Variants in FNBP4 observed in about 807,000 individuals in gnomAD.
The protein encoded by FNBP4 is formin-binding protein 4.
Under a neutral mutation model 119.3 loss-of-function variants are expected in FNBP4, and 34 were observed. That is an observed-to-expected ratio of 0.28 (90% CI 0.22 to 0.38). The LOEUF is 0.38. Ranked by LOEUF, FNBP4 falls within the 10% of genes least tolerant of loss-of-function variation. The probability of loss-of-function intolerance (pLI) is 1.00; values close to 1 mark genes in which losing one functional copy is unlikely to be tolerated. For synonymous variants in FNBP4, 462 were observed against 430.6 expected, an observed-to-expected ratio of 1.07 and a Z score of -0.90; for missense variants, 1,112 against 1,228.9, an observed-to-expected ratio of 0.90 and a Z score of 1.42.
chr11:47,719,845 A>G (rs926873225), intron 16 of FNBP4, 84 bp downstream of exon 16: 9 of 1,438,198 alleles, frequency 6.3e-6, no homozygotes, highest in African/African-American at 2.8e-5. Context: ...TAATGCATCT[A>G]TAACAACCAC....
At position 47,717,310 on chromosome 11, in the gene FNBP4, T is replaced by A. The variant is rs1011387484; in HGVS notation, c.*112A>T. 5 of 706,398 alleles carry A rather than the reference T, an allele frequency of 7.1e-6. No homozygotes were observed. Among genetic ancestry groups the A allele is most frequent in the South Asian group, 2.0e-5 (1 of 50,628 alleles). 43.8% of individuals were successfully genotyped at this position (706,398 alleles called of 1,614,324 possible). A position where few individuals can be genotyped will look rare whatever the true frequency, so the allele number is the denominator to read the frequency against. ...ATGCATACACTCTTGCCCAGGAAAT[T>A]TATAAGATCTCCCCCATAACATTTA... On this transcript the variant is annotated 3_prime_UTR_variant, in exon 17 of 17. Coordinates refer to ENST00000263773, the MANE Select transcript of FNBP4 (RefSeq NM_015308.5).
chr11:47,721,149 G>A (rs1357010840), intron 15 of FNBP4, among the ~76,000 whole-genome samples: 1 of 151,076 alleles, frequency 6.6e-6, no homozygotes, highest in Non-Finnish European at 1.5e-5. Flanking sequence ...GTGAAACCCC[G>A]TCTCTACTAA....
At chr11:47,746,719 G>A (rs2097591105) in intron 6 of FNBP4, among the ~76,000 whole-genome samples, 1 of 151,954 alleles carries the variant, frequency 6.6e-6, no homozygotes, top group South Asian at 2.1e-4. Flanking sequence ...CACCACGTTG[G>A]CCAGGCTGGT....
At position 47,731,418 on chromosome 11, in the gene FNBP4, G is replaced by C; in HGVS notation, c.1964C>G (p.Thr655Ser). ...TLAKQTLKDK[T>S]GTDSNSTESS... The stretch of plus-strand genomic sequence containing the variant: ...TTCTGTTGAATTTGAATCAGTGCCA[G>C]TTTTGTCTTTCAAGGTCTGTTTGGC... Residue 655 changes from threonine (T) to serine (S), a missense_variant, in exon 12 of 17, where the codon ACT becomes AGT. Around this residue, in one of 2 missense-constraint regions of FNBP4, gnomAD observed 826 missense variants for 988.8 expected, o/e 0.84. Coordinates refer to ENST00000263773, the MANE Select transcript of FNBP4 (RefSeq NM_015308.5). The C allele has an allele frequency of 6.2e-7, 1 of 1,613,838 alleles. No individual in the cohort carries two copies.
intron 6 of FNBP4, 100 bp downstream of exon 6, chr11:47,750,816 T>G: frequency 1.6e-6 from 2 of 1,238,804 alleles, no homozygotes; most frequent in Non-Finnish European, 2.3e-6. Flanking sequence ...CTATTTCACA[T>G]GTATGACATA....
At position 47,750,992 on chromosome 11, in the gene FNBP4, A is replaced by G. The variant is rs2097602170; in HGVS notation, c.830T>C (p.Ile277Thr). The G allele has an allele frequency of 6.2e-7, 1 of 1,614,062 alleles. No homozygotes were observed. The highest frequency in any genetic ancestry group is 1.3e-5 in the African/African-American group (1 of 75,054). The part of the protein sequence containing the change: ...AETSFVVNTD[I>T]YSKEKTISVS... ...AGAAATCGTTTTCTCCTTAGAATAT[A>G]TGTCTGTATTTACCACAAAACTAGT... Residue 277 changes from isoleucine (I) to threonine (T), a missense_variant, in exon 6 of 17, where the codon ATA becomes ACA. This residue lies in a region of FNBP4 where 826 missense variants were observed against 988.8 expected (regional missense o/e 0.84). Transcript: ENST00000263773.
intron 6 of FNBP4, among the ~76,000 whole-genome samples, chr11:47,749,791 G>C (rs1009103274): frequency 1.3e-5 from 2 of 152,104 alleles, no homozygotes; most frequent in African/African-American, 4.8e-5. Flanking sequence ...GAGCATCTCA[G>C]ATTTCACATT....
intron 2 of FNBP4, among the ~76,000 whole-genome samples, chr11:47,756,555 G>A (rs2097618769): frequency 6.6e-6 from 1 of 151,882 alleles, no homozygotes; most frequent in Admixed American, 6.6e-5. Flanking sequence ...TTTTGTTGTT[G>A]TTGTTATACT....
At chr11:47,731,786 C>A (rs2135108853) in intron 11 of FNBP4, 8 of 1,259,706 alleles carry the variant, frequency 6.4e-6, no homozygotes, top group Non-Finnish European at 8.0e-6. Context: ...GCCCTGAACC[C>A]TCTCACTCCA....
chr11:47,753,436 A>G (rs2135240644), intron 3 of FNBP4, among the ~76,000 whole-genome samples: 1 of 151,946 alleles, frequency 6.6e-6, no homozygotes, highest in Non-Finnish European at 1.5e-5. Flanking sequence ...TATGGTGAAA[A>G]CTTGTCTCTA....
Position 47,734,984 on chromosome 11 carries a change from C to CA in FNBP4, c.1582-856_1582-855insT, listed in dbSNP as rs1240443281. 1.2e-3 allele frequency among the ~76,000 whole-genome samples: 134 copies of CA among 111,052 alleles called. 1 individual carries two copies. Among genetic ancestry groups the CA allele is most frequent in the Non-Finnish European group, 2.3e-3 (111 of 48,526 alleles). The allele number at this position is 111,052 out of a possible 152,430, so 72.9% of individuals were successfully genotyped here. A position where few individuals can be genotyped will look rare whatever the true frequency, so the allele number is the denominator to read the frequency against. On this transcript the variant is annotated intron_variant, in intron 9 of 16. Transcript: ENST00000263773. The stretch of plus-strand genomic sequence containing the variant: ...AAGACTCCATCACCCCAACACCCCC[C>CA]CCCCCAAAAAAAAAGGAAATCTAAA...
At chr11:47,753,233 G>A (rs2135239588) in intron 3 of FNBP4, 131 bp from the exon 4 acceptor site, 1 of 615,062 alleles carries the variant, frequency 1.6e-6, no homozygotes, top group South Asian at 2.7e-5. Flanking sequence ...CCAGCACTTT[G>A]GGAGGCTGAG....
chr11:47,729,863 A>G (rs1050807731), intron 12 of FNBP4: 1 of 985,330 alleles, frequency 1.0e-6, no homozygotes, highest in African/African-American at 1.7e-5. Flanking sequence ...TTTTACTTCG[A>G]TCAAGTTTAT....
In FNBP4 at chr11:47,723,134, C is replaced by G; in HGVS notation, c.2647G>C (p.Val883Leu). Residue 883 changes from valine to leucine, a missense_variant, in exon 15 of 17, where the codon GTG becomes CTG. Val to Leu is a conservative substitution (Grantham distance 32, BLOSUM62 1). This residue lies in a region of FNBP4 where 826 missense variants were observed against 988.8 expected (regional missense o/e 0.84). Coordinates refer to ENST00000263773, the MANE Select transcript of FNBP4 (RefSeq NM_015308.5). ...ACTGGCTGCAATGAGGGAGCAGTCA[C>G]TCCAATTGGGACAGAACATTCTGCA... ...SYAECSVPIG[V>L]TAPSLQPVQA... The G allele has an allele frequency of 2.5e-6, 4 of 1,614,062 alleles. No individual in the cohort carries two copies. The highest frequency in any genetic ancestry group is 3.4e-6 in the Non-Finnish European group (4 of 1,180,026).
intron 12 of FNBP4, among the ~76,000 whole-genome samples, chr11:47,728,326 T>C (rs1289250081): frequency 1.3e-5 from 2 of 150,000 alleles, no homozygotes; most frequent in Non-Finnish European, 3.0e-5. Context: ...CTTGGTTCAC[T>C]GTAATCTCTG....
rs1345998991 is a variant in FNBP4 at position 47,716,533 on chromosome 11, A to G, written c.*889T>C. On this transcript the variant is annotated 3_prime_UTR_variant, in exon 17 of 17. Transcript: ENST00000263773. Reference sequence around the variant, plus strand: ...GATAACCCATCAGGATTATAAAAAAAGCTTTATTAGTGCATATATACAAAT... The same window carrying G: ...GATAACCCATCAGGATTATAAAAAAGGCTTTATTAGTGCATATATACAAAT... 6.6e-6 allele frequency: 1 copy of G among 152,666 alleles called. No individual in the cohort carries two copies. The highest frequency in any genetic ancestry group is 1.9e-4 in the East Asian group (1 of 5,204). 9.5% of individuals were successfully genotyped at this position (152,666 alleles called of 1,614,324 possible).
chr11:47,724,924 G>A, intron 12 of FNBP4, 146 bp from the exon 13 acceptor site: 1 of 1,197,098 alleles, frequency 8.4e-7, no homozygotes, highest in Non-Finnish European at 1.1e-6. Context: ...GTGTCAAACA[G>A]CAGGGAATGG....
intron 3 of FNBP4, among the ~76,000 whole-genome samples, chr11:47,754,147 C>A (rs374489873): frequency 2.0e-5 from 3 of 149,802 alleles, no homozygotes; most frequent in Non-Finnish European, 2.9e-5. Context: ...AGACAGGTTG[C>A]GGTGAGGCGA....
intron 1 of FNBP4, among the ~76,000 whole-genome samples, chr11:47,766,073 G>A (rs532291245): frequency 6.6e-6 from 1 of 152,046 alleles, no homozygotes; most frequent in East Asian, 1.9e-4. Context: ...ATGGCCGGGC[G>A]CGATGGCTCT....
Sources: allele counts gnomAD v4.1 joint callset (sites outside exome capture counted in the v4.1 genomes callset), GRCh38; gene constraint gnomAD v4.1.1; regional missense constraint gnomAD v4.1.1; transcripts MANE v1.5; gene names NCBI Gene and HGNC (gene_info 2026-07-23, HGNC 2026-07-21).